The following KLRG1 variants were observed in gnomAD, a reference collection of about 807,000 sequenced individuals.
The protein encoded by KLRG1 is killer cell lectin-like receptor subfamily G member 1.
Under a neutral mutation model 21.8 loss-of-function variants are expected in KLRG1, and 16 were observed. The observed-to-expected ratio is 0.73, with a 90% confidence interval of 0.50 to 1.11. The LOEUF is 1.11. Ranked by LOEUF, KLRG1 falls within the 50% of genes most tolerant of loss-of-function variation. The pLI is 0.00. For synonymous variants in KLRG1, 69 were observed against 75.9 expected, an observed-to-expected ratio of 0.91 and a Z score of 0.47; for missense variants, 173 against 218.3, an observed-to-expected ratio of 0.79 and a Z score of 1.31.
the KLRG1 span, chr12:9,200,386 C>A: frequency 2.5e-6 from 4 of 1,610,094 alleles, no homozygotes; most frequent in African/African-American, 5.3e-5. Flanking sequence ...GTTATGTTCA[C>A]TTTTTCATCC....
the KLRG1 span, chr12:9,098,389 T>C: frequency 3.7e-6 from 1 of 271,616 alleles, no homozygotes; most frequent in Non-Finnish European, 6.4e-6. Context: ...TGATTCAATA[T>C]ATTGTATTTT....
chr12:9,153,340 T>C, the KLRG1 span: 14 of 1,613,290 alleles, frequency 8.7e-6, no homozygotes, highest in East Asian at 3.1e-4. Context: ...GCCACCACTG[T>C]GTCCTGGAAG....
the KLRG1 span, among the ~76,000 whole-genome samples, chr12:9,173,354 G>A: frequency 5.3e-5 from 8 of 152,310 alleles, no homozygotes; most frequent in East Asian, 7.7e-4. Flanking sequence ...AGCACTAAGT[G>A]CCTGCATCTA....
At chr12:9,111,638 T>C in the KLRG1 span, 1 of 415,632 alleles carries the variant, frequency 2.4e-6, no homozygotes, top group Non-Finnish European at 4.7e-6. Flanking sequence ...TTGCCTCTTT[T>C]TGAGATAAGA....
chr12:8,963,995 T>C (rs1448082188), intron 1 of KLRG1, among the ~76,000 whole-genome samples: 1 of 152,200 alleles, frequency 6.6e-6, no homozygotes, highest in Admixed American at 6.5e-5. Context: ...AGCTCCTGGA[T>C]TCATTAATTT....
chr12:9,164,411 G>T, the KLRG1 span: 1 of 839,004 alleles, frequency 1.2e-6, no homozygotes. Flanking sequence ...TAAGAAGCAT[G>T]GCAATGGCAA....
At chr12:9,189,186 G>T in the KLRG1 span, among the ~76,000 whole-genome samples, 1 of 152,066 alleles carries the variant, frequency 6.6e-6, no homozygotes, top group Non-Finnish European at 1.5e-5. Flanking sequence ...AGCCCAAATA[G>T]CCAAGGCAAT....
chr12:9,093,525 T>G, the KLRG1 span: 1 of 1,613,474 alleles, frequency 6.2e-7, no homozygotes, highest in East Asian at 2.2e-5. Flanking sequence ...GGTCTCCGTG[T>G]GAGGCTCTTC....
the KLRG1 span, chr12:9,109,456 A>C: frequency 5.9e-5 from 85 of 1,432,240 alleles, 1 homozygote; most frequent in South Asian, 7.7e-4. Flanking sequence ...ACTTTGGGGG[A>C]ATTCCTATTT....
chr12:9,008,520 G>T (rs1947542355), intron 3 of KLRG1, among the ~76,000 whole-genome samples: 1 of 152,180 alleles, frequency 6.6e-6, no homozygotes, highest in Non-Finnish European at 1.5e-5. Flanking sequence ...CCATAGACTG[G>T]ATCGCTTGAA....
chr12:9,184,516 G>A, the KLRG1 span, among the ~76,000 whole-genome samples: 9 of 152,138 alleles, frequency 5.9e-5, no homozygotes, highest in African/African-American at 1.4e-4. Context: ...CTGCACAAAG[G>A]CCAGCAACCT....
At chr12:9,187,510 AT>A in the KLRG1 span, among the ~76,000 whole-genome samples, 1 of 152,238 alleles carries the variant, frequency 6.6e-6, no homozygotes, top group Non-Finnish European at 1.5e-5. Flanking sequence ...TTAAAATAGA[AT>A]TCAATAAGAA....
chr12:9,154,862 T>C, the KLRG1 span: 14 of 1,583,372 alleles, frequency 8.8e-6, no homozygotes, highest in Non-Finnish European at 1.2e-5. Context: ...AAAAAGGAGA[T>C]AATTGTAACT....
At chr12:9,167,057 G>A in the KLRG1 span, 1 of 152,184 alleles carries the variant, frequency 6.6e-6, no homozygotes, top group Non-Finnish European at 1.5e-5. Flanking sequence ...AATTTCTTTA[G>A]TGAATATCAT....
chr12:9,209,566 T>C, the KLRG1 span, among the ~76,000 whole-genome samples: 1 of 152,058 alleles, frequency 6.6e-6, no homozygotes, highest in Non-Finnish European at 1.5e-5. Flanking sequence ...AAGATGGCAA[T>C]GGTAGTGCTC....
the KLRG1 span, among the ~76,000 whole-genome samples, chr12:9,049,589 T>C: frequency 6.6e-6 from 1 of 152,226 alleles, no homozygotes; most frequent in Non-Finnish European, 1.5e-5. Context: ...CCTTATTTTA[T>C]CTTCTCATTT....
chr12:8,984,797 CT>C (rs1248136969), upstream of KLRG1, among the ~76,000 whole-genome samples: 1 of 152,026 alleles, frequency 6.6e-6, no homozygotes, highest in African/African-American at 2.4e-5. Flanking sequence ...CCCATATATT[CT>C]TATTTCTTTG....
the KLRG1 span, among the ~76,000 whole-genome samples, chr12:9,025,562 A>C: frequency 6.6e-6 from 1 of 152,202 alleles, no homozygotes; most frequent in Non-Finnish European, 1.5e-5. Context: ...ACTTGAACCC[A>C]GGAGGTGGAG....
At chr12:9,168,288 CA>C in the KLRG1 span, among the ~76,000 whole-genome samples, 1 of 152,108 alleles carries the variant, frequency 6.6e-6, no homozygotes, top group Non-Finnish European at 1.5e-5. Context: ...TATTTGTGAG[CA>C]GATGGATGTC....
Sources: allele counts gnomAD v4.1 joint callset (sites outside exome capture counted in the v4.1 genomes callset), GRCh38; gene constraint gnomAD v4.1.1; transcripts MANE v1.5; gene names NCBI Gene and HGNC (gene_info 2026-07-23, HGNC 2026-07-21).